STIL: variants seen among roughly 807,000 people sequenced by gnomAD.
STIL encodes the protein SCL-interrupting locus protein.
In STIL, 55 loss-of-function variants were observed where a neutral mutation model predicts 110.1. That is an observed-to-expected ratio of 0.50 (90% CI 0.40 to 0.63). The LOEUF is 0.63. Among genes scored for constraint, STIL ranks in the 20% least tolerant of loss-of-function variants. The probability of loss-of-function intolerance (pLI) is 0.00; values close to 1 mark genes in which losing one functional copy is unlikely to be tolerated. For missense variants in STIL, 1,358 were observed against 1,530.0 expected, an observed-to-expected ratio of 0.89 and a Z score of 1.87; for synonymous variants, 481 against 530.0, an observed-to-expected ratio of 0.91 and a Z score of 1.27.
At chr1:47,254,007 C>T (rs574044291) in intron 16 of STIL, among the ~76,000 whole-genome samples, 5 of 151,850 alleles carry the variant, frequency 3.3e-5, no homozygotes, top group East Asian at 3.9e-4. Flanking sequence ...GGCAAAACCC[C>T]GTCTCTACTA....
chr1:47,263,442 G>A (rs1644539714), intron 14 of STIL, among the ~76,000 whole-genome samples: 1 of 152,178 alleles, frequency 6.6e-6, no homozygotes, highest in African/African-American at 2.4e-5. Context: ...CTGCTCAGGA[G>A]GCTGAGCAAG....
rs375099543 is a variant in STIL, at chr1:47,272,093, C to T, written c.2366G>A (p.Ser789Asn). 3.2e-5 allele frequency: 52 copies of T among 1,614,014 alleles called. No homozygotes were observed. Among genetic ancestry groups the T allele is most frequent in the African/African-American group, 6.7e-5 (5 of 74,924 alleles). ...GAAATTACCTGTGCTCACAGCAATG[C>T]TTACACCTTTTCTCATGTGCAAGCC... ...SPGLHMRKGV[S>N]IAVSTGASLF... The change falls in exon 13 of 17, where the codon AGC becomes AAC. Residue 789 changes from serine to asparagine, a missense_variant. Ser to Asn is a conservative substitution (Grantham distance 46). Coordinates refer to ENST00000371877, the MANE Select transcript of STIL (RefSeq NM_001048166.1).
At chr1:47,276,811 C>CT (rs1343214637) in intron 12 of STIL, among the ~76,000 whole-genome samples, 9 of 42,780 alleles carry the variant, frequency 2.1e-4, no homozygotes, top group Admixed American at 8.5e-4. Flanking sequence ...AAAACTCTGC[C>CT]TAAAAAAAAA....
chr1:47,295,162 C>G lies in STIL; in HGVS notation c.785+603G>C, dbSNP rs145135410. Among the ~76,000 whole-genome samples, 74 of 152,150 alleles carry G rather than the reference C, an allele frequency of 4.9e-4. 1 individual carries two copies. The highest frequency in any genetic ancestry group is 6.2e-4 in the South Asian group (3 of 4,808). ...GGCCTTGAACTCCTGACCTCGAACT[C>G]CTGACCTCAGGTGATCCGCCCACCT... On this transcript the variant is annotated intron_variant, in intron 7 of 16. Coordinates refer to ENST00000371877, the MANE Select transcript of STIL (RefSeq NM_001048166.1).
At chr1:47,270,511 C>T (rs1644805019) in intron 13 of STIL, among the ~76,000 whole-genome samples, 1 of 151,706 alleles carries the variant, frequency 6.6e-6, no homozygotes, top group Non-Finnish European at 1.5e-5. Flanking sequence ...AAAACTGCTG[C>T]TCTGAATAAT....
chr1:47,309,299 G>A (rs183780098), intron 2 of STIL, among the ~76,000 whole-genome samples: 1 of 151,954 alleles, frequency 6.6e-6, no homozygotes, highest in East Asian at 1.9e-4. Context: ...AAGAATAGAA[G>A]ACAAAATTTT....
At chr1:47,287,733 G>C in intron 9 of STIL, 73 bp from the exon 10 acceptor site, 1 of 1,210,508 alleles carries the variant, frequency 8.3e-7, no homozygotes, top group Non-Finnish European at 1.2e-6. Flanking sequence ...TAGATGAAAA[G>C]TAGCTCTGAA....
At chr1:47,270,237 AAAAAAT>A (rs772317366) in intron 13 of STIL, among the ~76,000 whole-genome samples, 1 of 103,180 alleles carries the variant, frequency 9.7e-6, no homozygotes, top group Non-Finnish European at 2.0e-5. Flanking sequence ...CAAAAAAAAA[AAAAAAT>A]ATATATATAT....
intron 10 of STIL, among the ~76,000 whole-genome samples, chr1:47,284,943 G>A (rs928251517): frequency 2.0e-5 from 3 of 150,728 alleles, no homozygotes; most frequent in Non-Finnish European, 3.0e-5. Flanking sequence ...AATTCTGCCA[G>A]CAGGCTGCCT....
chr1:47,301,770 T>A, intron 4 of STIL, 22 bp from the exon 5 acceptor site: 1 of 1,608,724 alleles, frequency 6.2e-7, no homozygotes, highest in Non-Finnish European at 8.5e-7. Flanking sequence ...AAATAACAGC[T>A]ATTATACAGC....
At chr1:47,258,780 G>A (rs367869550) in intron 16 of STIL, among the ~76,000 whole-genome samples, 1 of 152,040 alleles carries the variant, frequency 6.6e-6, no homozygotes, top group Non-Finnish European at 1.5e-5. Context: ...TGAGATGGGA[G>A]GCTCACTTGA....
In STIL at chr1:47,297,219, G is replaced by A. The variant is rs368397922; in HGVS notation, c.702-1371C>T. 3.6e-3 allele frequency among the ~76,000 whole-genome samples: 541 copies of A among 152,186 alleles called. 6 individuals carry two copies. The highest frequency in any genetic ancestry group is 0.012 in the African/African-American group (518 of 41,520). On this transcript the variant is annotated intron_variant, in intron 6 of 16. Coordinates refer to ENST00000371877, the MANE Select transcript of STIL (RefSeq NM_001048166.1). Reference sequence around the variant, plus strand: ...TAGCCAGGCATGGTGACGGGCGCCTGTAATCCCAGCTACTTGGGAGGCTGA... The same window carrying A: ...TAGCCAGGCATGGTGACGGGCGCCTATAATCCCAGCTACTTGGGAGGCTGA...
intron 10 of STIL, 149 bp downstream of exon 10, chr1:47,287,402 T>C: frequency 1.7e-6 from 1 of 575,466 alleles, no homozygotes; most frequent in African/African-American, 1.9e-5. Context: ...CTAGTGAATA[T>C]GAAGGAATGC....
chr1:47,298,659 C>G (rs1295713716), intron 6 of STIL, among the ~76,000 whole-genome samples: 1 of 151,178 alleles, frequency 6.6e-6, no homozygotes, highest in Non-Finnish European at 1.5e-5. Flanking sequence ...AAATAAAATA[C>G]AAAGAATAAT....
intron 15 of STIL, among the ~76,000 whole-genome samples, chr1:47,260,953 C>A (rs1013114504): frequency 2.0e-5 from 3 of 152,138 alleles, no homozygotes; most frequent in African/African-American, 7.2e-5. Context: ...AGTATCTTGT[C>A]AAATTCCACA....
At chr1:47,301,042 A>C (rs1323893357) in intron 5 of STIL, among the ~76,000 whole-genome samples, 1 of 152,138 alleles carries the variant, frequency 6.6e-6, no homozygotes, top group East Asian at 1.9e-4. Flanking sequence ...AAGAACCTTC[A>C]ATTTCTACAT....
intron 6 of STIL, among the ~76,000 whole-genome samples, chr1:47,298,572 T>C (rs549609009): frequency 2.2e-4 from 33 of 151,844 alleles, no homozygotes; most frequent in Admixed American, 2.0e-3. Flanking sequence ...TAAAACCACA[T>C]ACTATAAATG....
At chr1:47,306,609 T>C (rs979403504) in intron 2 of STIL, among the ~76,000 whole-genome samples, 3 of 152,216 alleles carry the variant, frequency 2.0e-5, no homozygotes, top group Non-Finnish European at 4.4e-5. Context: ...TACCCAACAG[T>C]TATGAAAAGC....
intron 8 of STIL, among the ~76,000 whole-genome samples, chr1:47,292,319 T>A (rs1645517958): frequency 6.6e-6 from 1 of 152,196 alleles, no homozygotes; most frequent in South Asian, 2.1e-4. Context: ...GGAAAAATTA[T>A]AAATTGGTGC....
Sources: allele counts gnomAD v4.1 joint callset (sites outside exome capture counted in the v4.1 genomes callset), GRCh38; gene constraint gnomAD v4.1.1; transcripts MANE v1.5; gene names NCBI Gene and HGNC (gene_info 2026-07-23, HGNC 2026-07-21).